The following ZNRF2 variants were observed in gnomAD, a reference collection of about 807,000 sequenced individuals.
ZNRF2 encodes the protein E3 ubiquitin-protein ligase ZNRF2.
ZNRF2 carries 16 observed loss-of-function variants against 20.4 expected under a neutral mutation model. That is an observed-to-expected ratio of 0.79 (90% confidence interval 0.53 to 1.19). The LOEUF is 1.19. Among genes scored for constraint, ZNRF2 ranks in the 50% most tolerant of loss-of-function variants. The probability of loss-of-function intolerance (pLI) is 0.00; values close to 1 mark genes in which losing one functional copy is unlikely to be tolerated. For missense variants in ZNRF2, 363 were observed against 332.4 expected (o/e 1.09, Z -0.72); for synonymous variants, 178 against 144.9 (o/e 1.23, Z -1.64).
intron 1 of ZNRF2, among the ~76,000 whole-genome samples, chr7:30,319,628 A>T (rs1418444702): frequency 6.6e-6 from 1 of 152,216 alleles, no homozygotes; most frequent in Non-Finnish European, 1.5e-5. Flanking sequence ...GAAGAAATAC[A>T]AAGGGAGGGA....
At chr7:30,304,399 C>T (rs1236344248) in intron 1 of ZNRF2, among the ~76,000 whole-genome samples, 1 of 152,172 alleles carries the variant, frequency 6.6e-6, no homozygotes, top group African/African-American at 2.4e-5. Flanking sequence ...TGTGATAGCA[C>T]TTTATGCCTG....
chr7:30,304,261 AGTT>A (rs1037234984), intron 1 of ZNRF2, among the ~76,000 whole-genome samples: 5 of 152,026 alleles, frequency 3.3e-5, no homozygotes, highest in African/African-American at 1.2e-4. Context: ...CTGGATTTTG[AGTT>A]GTTTTAATTA....
At position 30,332,284 on chromosome 7, in the gene ZNRF2, T is replaced by C. The variant is rs184730977; in HGVS notation, c.565+8547T>C. On this transcript the variant is annotated intron_variant, in intron 2 of 4. Coordinates refer to ENST00000323037, the MANE Select transcript of ZNRF2 (RefSeq NM_147128.4). ...GAAGAACTTCACAGGTAATGAGTGC[T>C]AAGTTAACAAGACCTGTTGCTATTA... 1.3e-3 allele frequency among the ~76,000 whole-genome samples: 195 copies of C among 152,330 alleles called. 1 individual carries two copies. The highest frequency in any genetic ancestry group is 4.4e-3 in the African/African-American group (181 of 41,580).
chr7:30,293,216 T>TG lies in ZNRF2; in HGVS notation c.469+7391dup, dbSNP rs541305460. Reference sequence around the variant, plus strand: ...TGGTACAGATGTAATAAAATACTGTTGCCATGAACACCCTGGTAAGCAAAT... The same window carrying TG: ...TGGTACAGATGTAATAAAATACTGTTGGCCATGAACACCCTGGTAAGCAAAT... On this transcript the variant is annotated intron_variant, in intron 1 of 4. Coordinates refer to ENST00000323037, the MANE Select transcript of ZNRF2 (RefSeq NM_147128.4). Among the ~76,000 whole-genome samples, 170 of 152,216 alleles carry TG rather than the reference T, an allele frequency of 1.1e-3. 1 individual carries two copies. Among genetic ancestry groups the TG allele is most frequent in the African/African-American group, 3.9e-3 (160 of 41,528 alleles).
At chr7:30,346,448 C>T (rs1799881189) in intron 2 of ZNRF2, among the ~76,000 whole-genome samples, 1 of 151,916 alleles carries the variant, frequency 6.6e-6, no homozygotes, top group African/African-American at 2.4e-5. Flanking sequence ...CTCGGTCTCC[C>T]AAAGTGCTAG....
At chr7:30,326,466 C>G (rs1799554251) in intron 2 of ZNRF2, among the ~76,000 whole-genome samples, 1 of 152,150 alleles carries the variant, frequency 6.6e-6, no homozygotes, top group Non-Finnish European at 1.5e-5. Flanking sequence ...AGGACATGAT[C>G]TTCTTTTTTA....
intron 2 of ZNRF2, among the ~76,000 whole-genome samples, chr7:30,329,312 G>T (rs191580355): frequency 2.6e-4 from 39 of 152,206 alleles, no homozygotes; most frequent in African/African-American, 8.9e-4. Flanking sequence ...TGCTTTTCTA[G>T]TTATTTTGAA....
intron 1 of ZNRF2, among the ~76,000 whole-genome samples, chr7:30,319,042 G>A (rs1562611352): frequency 6.6e-6 from 1 of 151,956 alleles, no homozygotes; most frequent in Admixed American, 6.6e-5. Context: ...AACCCAGGGG[G>A]TGGAGGTTGC....
At chr7:30,305,427 T>C (rs1268273337) in intron 1 of ZNRF2, among the ~76,000 whole-genome samples, 1 of 152,206 alleles carries the variant, frequency 6.6e-6, no homozygotes, top group Non-Finnish European at 1.5e-5. Flanking sequence ...AAGGGAGATA[T>C]GGCTTATTTT....
chr7:30,354,377 G>A (rs914706202), intron 2 of ZNRF2, among the ~76,000 whole-genome samples: 1 of 152,126 alleles, frequency 6.6e-6, no homozygotes, highest in Non-Finnish European at 1.5e-5. Context: ...TTATTCTGCA[G>A]AAGGTGCCCT....
chr7:30,349,024 A>T (rs1286832711), intron 2 of ZNRF2, among the ~76,000 whole-genome samples: 1 of 152,180 alleles, frequency 6.6e-6, no homozygotes, highest in Non-Finnish European at 1.5e-5. Context: ...TTCTGATGTA[A>T]CATTTGATAT....
At chr7:30,338,032 C>T (rs376567071) in intron 2 of ZNRF2, among the ~76,000 whole-genome samples, 2 of 152,118 alleles carry the variant, frequency 1.3e-5, no homozygotes, top group South Asian at 2.1e-4. Flanking sequence ...TATGTGCTAG[C>T]GGTTATTCCA....
chr7:30,354,713 A>C (rs1360648069), intron 2 of ZNRF2, among the ~76,000 whole-genome samples: 1 of 152,160 alleles, frequency 6.6e-6, no homozygotes, highest in Non-Finnish European at 1.5e-5. Context: ...TTATTTTGAA[A>C]AGCAGTAATT....
intron 1 of ZNRF2, among the ~76,000 whole-genome samples, chr7:30,298,698 A>T (rs961642989): frequency 6.6e-6 from 1 of 152,154 alleles, no homozygotes; most frequent in Non-Finnish European, 1.5e-5. Flanking sequence ...TCCCTTTCCT[A>T]ATAACAAGCT....
intron 2 of ZNRF2, among the ~76,000 whole-genome samples, chr7:30,343,647 T>C (rs1799832298): frequency 6.6e-6 from 1 of 152,082 alleles, no homozygotes; most frequent in African/African-American, 2.4e-5. Flanking sequence ...AGTAAGATTG[T>C]AATTCATTCT....
intron 1 of ZNRF2, among the ~76,000 whole-genome samples, chr7:30,301,003 T>C (rs745623848): frequency 3.3e-5 from 5 of 152,342 alleles, no homozygotes; most frequent in South Asian, 4.1e-4. Flanking sequence ...GGAGTTCTTA[T>C]AGTTGTTACA....
intron 3 of ZNRF2, among the ~76,000 whole-genome samples, chr7:30,356,440 A>G (rs1005778328): frequency 3.9e-5 from 6 of 152,192 alleles, no homozygotes; most frequent in Non-Finnish European, 7.3e-5. Flanking sequence ...CAAATATATC[A>G]GTTATAATAA....
At chr7:30,295,469 G>A (rs576149074) in intron 1 of ZNRF2, among the ~76,000 whole-genome samples, 1 of 152,272 alleles carries the variant, frequency 6.6e-6, no homozygotes, top group African/African-American at 2.4e-5. Context: ...CCAGAACTCT[G>A]GGAGACGGAC....
chr7:30,310,764 A>T (rs1281156149), intron 1 of ZNRF2, among the ~76,000 whole-genome samples: 1 of 152,168 alleles, frequency 6.6e-6, no homozygotes, highest in Non-Finnish European at 1.5e-5. Flanking sequence ...CCTGTGTGGC[A>T]TACAGGACTG....
Sources: allele counts gnomAD v4.1 joint callset (sites outside exome capture counted in the v4.1 genomes callset), GRCh38; gene constraint gnomAD v4.1.1; transcripts MANE v1.5; gene names NCBI Gene and HGNC (gene_info 2026-07-23, HGNC 2026-07-21).